The following SPATS2L variants were observed in gnomAD, a reference collection of about 807,000 sequenced individuals.
SPATS2L encodes the protein SPATS2-like protein.
Under a neutral mutation model 59.6 loss-of-function variants are expected in SPATS2L, and 30 were observed. The observed-to-expected ratio is 0.50, with a 90% CI of 0.38 to 0.68. The LOEUF (loss-of-function observed/expected upper bound fraction) is 0.68. Among genes scored for constraint, SPATS2L ranks in the 30% least tolerant of loss-of-function variants. The probability of loss-of-function intolerance (pLI) is 0.00; values close to 1 mark genes in which losing one functional copy is unlikely to be tolerated. For missense variants in SPATS2L, 615 were observed against 700.0 expected (o/e 0.88, Z 1.37); for synonymous variants, 252 against 263.5 (o/e 0.96, Z 0.42).
intron 8 of SPATS2L, among the ~76,000 whole-genome samples, chr2:200,448,188 T>C (rs949219277): frequency 1.3e-5 from 2 of 152,174 alleles, no homozygotes; most frequent in Non-Finnish European, 2.9e-5. Context: ...ACACCTGTAA[T>C]CCCAGCACTT....
chr2:200,378,755 C>T (rs751855256), intron 2 of SPATS2L, among the ~76,000 whole-genome samples: 14 of 152,186 alleles, frequency 9.2e-5, no homozygotes, highest in Non-Finnish European at 1.5e-5. Context: ...TCCATGACAA[C>T]CGAGCCAGCT....
intron 5 of SPATS2L, among the ~76,000 whole-genome samples, chr2:200,416,813 T>C (rs2083081165): frequency 6.6e-6 from 1 of 152,180 alleles, no homozygotes; most frequent in African/African-American, 2.4e-5. Flanking sequence ...AAATATATTT[T>C]CACATGTTTT....
chr2:200,456,496 G>A (rs963288391), intron 8 of SPATS2L, among the ~76,000 whole-genome samples: 1 of 152,164 alleles, frequency 6.6e-6, no homozygotes, highest in African/African-American at 2.4e-5. Flanking sequence ...TAAATGCCCA[G>A]CTTTGTTTAA....
chr2:200,324,572 G>A (rs898542917), intron 1 of SPATS2L, among the ~76,000 whole-genome samples: 11 of 152,180 alleles, frequency 7.2e-5, no homozygotes, highest in African/African-American at 2.7e-4. Flanking sequence ...ACTGTGAGAG[G>A]AACAAAGGGA....
rs143604041 is a variant in SPATS2L at position 200,347,140 on chromosome 2, C to T, written c.-23+17660C>T. On this transcript the variant is annotated intron_variant, in intron 2 of 12. Transcript: ENST00000409140. The stretch of plus-strand genomic sequence containing the variant: ...TCAGATAGCTGTCTGTTTTCTAGGC[C>T]GAGCATGGAAAACACAACCCAAGTG... Among the ~76,000 whole-genome samples the T allele has an allele frequency of 1.3e-3, 199 of 152,122 alleles. 1 individual carries two copies. Among genetic ancestry groups the T allele is most frequent in the African/African-American group, 4.3e-3 (180 of 41,498 alleles).
At chr2:200,466,359 G>A (rs145689320) in intron 9 of SPATS2L, among the ~76,000 whole-genome samples, 2 of 152,170 alleles carry the variant, frequency 1.3e-5, no homozygotes, top group South Asian at 2.1e-4. Context: ...CATATGAGTC[G>A]AATTAGAGAG....
intron 1 of SPATS2L, among the ~76,000 whole-genome samples, chr2:200,314,772 GGAAA>G (rs1486663278): frequency 6.6e-6 from 1 of 152,128 alleles, no homozygotes; most frequent in African/African-American, 2.4e-5. Flanking sequence ...GTTGGGCACT[GGAAA>G]TACAGCTAGT....
chr2:200,439,032 C>T (rs774743607), intron 6 of SPATS2L, 90 bp from the exon 7 acceptor site: 38 of 1,150,776 alleles, frequency 3.3e-5, no homozygotes, highest in Non-Finnish European at 4.3e-5. Context: ...AATATGTAAA[C>T]AAAAACAAAA....
intron 2 of SPATS2L, among the ~76,000 whole-genome samples, chr2:200,376,947 G>GC (rs2081620531): frequency 6.6e-6 from 1 of 152,214 alleles, no homozygotes; most frequent in South Asian, 2.1e-4. Flanking sequence ...TCAAGGGCCG[G>GC]CTCCGTTACT....
chr2:200,439,992 T>G (rs985732470), intron 7 of SPATS2L, among the ~76,000 whole-genome samples: 5 of 152,240 alleles, frequency 3.3e-5, no homozygotes, highest in African/African-American at 9.6e-5. Context: ...TTGATCTACT[T>G]TCTCATTTTT....
intron 2 of SPATS2L, among the ~76,000 whole-genome samples, chr2:200,375,129 G>T (rs947163995): frequency 3.3e-5 from 5 of 152,094 alleles, no homozygotes; most frequent in Non-Finnish European, 5.9e-5. Flanking sequence ...TGTGGCCAAG[G>T]CAGGCCATGA....
At chr2:200,444,960 C>T (rs926978511) in intron 8 of SPATS2L, among the ~76,000 whole-genome samples, 21 of 151,996 alleles carry the variant, frequency 1.4e-4, no homozygotes, top group African/African-American at 4.6e-4. Flanking sequence ...ATGTATCCTC[C>T]CTCTCAAAGT....
chr2:200,388,267 C>G (rs1238767592), intron 2 of SPATS2L, among the ~76,000 whole-genome samples: 1 of 152,016 alleles, frequency 6.6e-6, no homozygotes, highest in African/African-American at 2.4e-5. Context: ...GGTGATAACT[C>G]AAGCTAAGAT....
rs192297058 is a variant in SPATS2L at position 200,478,535 on chromosome 2, T to A, written c.*504T>A. The A allele has an allele frequency of 6.5e-6, 1 of 152,844 alleles. No individual in the cohort carries two copies. Among genetic ancestry groups the A allele is most frequent in the Admixed American group, 6.5e-5 (1 of 15,308 alleles). 9.5% of individuals were successfully genotyped at this position (152,844 alleles called of 1,614,324 possible). On this transcript the variant is annotated 3_prime_UTR_variant, in exon 13 of 13. Coordinates refer to ENST00000409140, the MANE Select transcript of SPATS2L (RefSeq NM_001100423.2). ...ATTAAAATATGCTGCATTTGACACC[T>A]GGCTAGTTTCTTTTATTGATACCCA...
intron 2 of SPATS2L, among the ~76,000 whole-genome samples, chr2:200,330,317 G>C (rs2079896115): frequency 1.0e-5 from 1 of 96,514 alleles, no homozygotes; most frequent in African/African-American, 3.1e-5. Flanking sequence ...TTCCATTAAT[G>C]TTTAATATAA....
intron 1 of SPATS2L, among the ~76,000 whole-genome samples, chr2:200,314,907 ATATAG>A (rs1318334969): frequency 6.6e-6 from 1 of 152,268 alleles, no homozygotes. Context: ...AATAGTTTTG[ATATAG>A]TAGGTTAAAC....
chr2:200,321,855 T>G (rs556641356), intron 1 of SPATS2L, among the ~76,000 whole-genome samples: 1 of 152,330 alleles, frequency 6.6e-6, no homozygotes, highest in Non-Finnish European at 1.5e-5. Context: ...GTTACGCCCA[T>G]TTTTCAGATG....
intron 2 of SPATS2L, among the ~76,000 whole-genome samples, chr2:200,380,827 C>G (rs3769454): frequency 0.25 from 38,501 of 151,954 alleles, 5,496 homozygotes; most frequent in South Asian, 0.35. Flanking sequence ...CCAAATTAAA[C>G]AAAAAATGCC....
intron 1 of SPATS2L, among the ~76,000 whole-genome samples, chr2:200,321,641 G>C (rs1310860757): frequency 6.6e-6 from 1 of 152,104 alleles, no homozygotes; most frequent in African/African-American, 2.4e-5. Flanking sequence ...AATTTATTGT[G>C]ATCACAAAGA....
Sources: gnomAD v4.1 joint callset for allele counts (sites outside exome capture counted in the v4.1 genomes callset) on GRCh38, gnomAD v4.1.1 for gene constraint, MANE v1.5 for transcripts, NCBI Gene and HGNC (gene_info 2026-07-23, HGNC 2026-07-21) for gene names.